The following CWC25 variants were observed in gnomAD, a reference collection of about 807,000 sequenced individuals.
The protein encoded by CWC25 is CWC25 spliceosome associated protein, also known as pre-mRNA-splicing factor CWC25 homolog.
A neutral mutation model predicts 54.6 loss-of-function variants in CWC25; 31 were observed. The observed-to-expected ratio is 0.57, with a 90% CI of 0.43 to 0.77. The LOEUF is 0.77. Ranked by LOEUF, CWC25 falls within the 30% of genes least tolerant of loss-of-function variation. The pLI is 0.00. For synonymous variants in CWC25, 151 were observed against 187.0 expected (o/e 0.81, Z 1.57); for missense variants, 453 against 529.3 (o/e 0.86, Z 1.41).
chr17:38,816,195 T>C (rs1357754769), intron 2 of CWC25, among the ~76,000 whole-genome samples: 2 of 152,188 alleles, frequency 1.3e-5, no homozygotes, highest in Non-Finnish European at 2.9e-5. Context: ...AGTACTTTCA[T>C]TGACAGTATT....
In CWC25 at chr17:38,806,398, G is replaced by GTAGCA. The variant is rs747248566; in HGVS notation, c.903-8_903-4dup. The GTAGCA allele has an allele frequency of 5.6e-6, 9 of 1,612,860 alleles. No homozygotes were observed. The highest frequency in any genetic ancestry group is 7.6e-6 in the Non-Finnish European group (9 of 1,179,356). On this transcript the variant is annotated splice_region_variant and splice_polypyrimidine_tract_variant and intron_variant, in intron 7 of 9. Coordinates refer to ENST00000614790, the MANE Select transcript of CWC25 (RefSeq NM_017748.5). ...TCCTGTTCACCTTAGAGTTGTGCCT[G>GTAGCA]TAGCAGACACAGAAGGCAAAGAGGA...
intron 1 of CWC25, among the ~76,000 whole-genome samples, chr17:38,821,305 A>T (rs542307692): frequency 7.9e-5 from 12 of 152,278 alleles, no homozygotes; most frequent in Middle Eastern, 3.4e-3. Flanking sequence ...TCACACCTGT[A>T]ATCCCAGCAC....
At chr17:38,807,025 T>C (rs1306063958) in intron 6 of CWC25, 49 bp from the exon 7 acceptor site, 8 of 1,528,324 alleles carry the variant, frequency 5.2e-6, no homozygotes, top group Non-Finnish European at 6.3e-6. Context: ...AATCCAGCTA[T>C]TCAGGAGAAA....
Position 38,825,165 on chromosome 17 carries a change from C to T in CWC25, c.18+1G>A, listed in dbSNP as rs1203779857. Reference sequence around the variant, plus strand: ...CCCCGCCCAGGCCTCCCTCCACTCACCAGGTCTCCGCCCCCCATGACGGTG... The same window carrying T: ...CCCCGCCCAGGCCTCCCTCCACTCATCAGGTCTCCGCCCCCCATGACGGTG... On this transcript the variant is annotated splice_donor_variant, in intron 1 of 9. Transcript: ENST00000614790. LOFTEE classifies it high-confidence loss of function. The T allele has an allele frequency of 6.3e-7, 1 of 1,581,400 alleles. No individual in the cohort carries two copies.
intron 5 of CWC25, 170 bp downstream of exon 5, chr17:38,810,298 T>C: frequency 3.0e-6 from 2 of 659,674 alleles, no homozygotes; most frequent in Non-Finnish European, 5.0e-6. Context: ...CAAGGAACTC[T>C]AGCATTAGAT....
chr17:38,824,885 G>A (rs1426501913), intron 1 of CWC25, among the ~76,000 whole-genome samples: 1 of 151,810 alleles, frequency 6.6e-6, no homozygotes, highest in Non-Finnish European at 1.5e-5. Flanking sequence ...GGCTCCATCC[G>A]CCCCCTCCCC....
intron 1 of CWC25, among the ~76,000 whole-genome samples, chr17:38,824,132 G>A (rs761487121): frequency 1.3e-5 from 2 of 152,188 alleles, no homozygotes; most frequent in Non-Finnish European, 2.9e-5. Context: ...CGGCTAAGCT[G>A]ATCTACTTGC....
Position 38,806,755 on chromosome 17 carries a change from C to T in CWC25, c.902+10G>A, listed in dbSNP as rs1157696666. 6.4e-7 allele frequency: 1 copy of T among 1,558,654 alleles called. No homozygotes were observed. Reference sequence around the variant, plus strand: ...GTCACAGGTTATTTCCCAGTGAATCCCACACTCACAGTTTGCTGGGTCTTG... The same window carrying T: ...GTCACAGGTTATTTCCCAGTGAATCTCACACTCACAGTTTGCTGGGTCTTG... On this transcript the variant is annotated intron_variant, in intron 7 of 9. Transcript: ENST00000614790.
rs1005075960 is a variant in CWC25, at chr17:38,800,731, T to C, written c.*1361A>G. 1.3e-5 allele frequency: 2 copies of C among 152,078 alleles called. No homozygotes were observed. The highest frequency in any genetic ancestry group is 2.4e-5 in the African/African-American group (1 of 41,396). The allele number at this position is 152,078 out of a possible 1,614,324, so 9.4% of individuals were successfully genotyped here. ...CAAATGAGGGCTTCTGGTGAAAGAA[T>C]AGAGAAGGGAAAAGGAGTAAAGACA... is the stretch of plus-strand genomic sequence containing the variant. On this transcript the variant is annotated 3_prime_UTR_variant, in exon 10 of 10. Coordinates refer to ENST00000614790, the MANE Select transcript of CWC25 (RefSeq NM_017748.5).
In CWC25 at chr17:38,825,272, C is replaced by T. The variant is rs1264856238; in HGVS notation, c.-89G>A. The T allele has an allele frequency of 2.6e-5, 36 of 1,411,270 alleles. No homozygotes were observed. Among genetic ancestry groups the T allele is most frequent in the South Asian group, 1.3e-5 (1 of 75,156 alleles). The allele number at this position is 1,411,270 out of a possible 1,614,324, so 87.4% of individuals were successfully genotyped here. On this transcript the variant is annotated 5_prime_UTR_variant, in exon 1 of 10. Transcript: ENST00000614790. ...TAGAGAAATAGTTCGGGGGCTACCT[C>T]GCGGGATCTAGTCCCAGGAGCCGTC...
At chr17:38,807,873 A>G (rs1285570042) in intron 6 of CWC25, among the ~76,000 whole-genome samples, 3 of 137,706 alleles carry the variant, frequency 2.2e-5, no homozygotes, top group Non-Finnish European at 4.8e-5. Context: ...CCTAGCTAAC[A>G]TGGTGAAACA....
chr17:38,808,946 CAAAAA>C (rs71138657), intron 6 of CWC25, among the ~76,000 whole-genome samples: 1 of 107,998 alleles, frequency 9.3e-6, no homozygotes, highest in Admixed American at 9.7e-5. Context: ...AACTCCACCT[CAAAAA>C]AAAAAAAAAA....
At chr17:38,807,184 G>C (rs531868062) in intron 6 of CWC25, among the ~76,000 whole-genome samples, 1 of 151,464 alleles carries the variant, frequency 6.6e-6, no homozygotes, top group Admixed American at 6.6e-5. Context: ...TTAGCTGGGC[G>C]TGGTGGTGGG....
In CWC25 at chr17:38,801,530, C is replaced by T. The variant is rs938822462; in HGVS notation, c.*562G>A. 6.6e-6 allele frequency: 1 copy of T among 152,196 alleles called. No individual in the cohort carries two copies. Among genetic ancestry groups the T allele is most frequent in the Non-Finnish European group, 1.5e-5 (1 of 68,052 alleles). The allele number at this position is 152,196 out of a possible 1,614,324, so 9.4% of individuals were successfully genotyped here. A position where few individuals can be genotyped will look rare whatever the true frequency, so the allele number is the denominator to read the frequency against. Reference sequence around the variant, plus strand: ...AAAATTGTACATTTGTACATATACGCATTACAATTTTACATCCAAAGATCA... The same window carrying T: ...AAAATTGTACATTTGTACATATACGTATTACAATTTTACATCCAAAGATCA... On this transcript the variant is annotated 3_prime_UTR_variant, in exon 10 of 10. Transcript: ENST00000614790.
intron 1 of CWC25, among the ~76,000 whole-genome samples, chr17:38,824,512 C>A (rs894032007): frequency 3.9e-5 from 6 of 152,006 alleles, no homozygotes; most frequent in Non-Finnish European, 8.8e-5. Context: ...CATGGAGAAA[C>A]CCTGTCTCTA....
chr17:38,814,767 AG>A, intron 3 of CWC25, 93 bp downstream of exon 3: 22 of 873,400 alleles, frequency 2.5e-5, no homozygotes, highest in East Asian at 5.5e-5. Flanking sequence ...AAAAAAAAAA[AG>A]CGAAGAGAAA....
At chr17:38,805,160 A>G (rs139096543) in intron 8 of CWC25, among the ~76,000 whole-genome samples, 1 of 151,864 alleles carries the variant, frequency 6.6e-6, no homozygotes, top group African/African-American at 2.4e-5. Flanking sequence ...CTGTAGTCCC[A>G]GCTACTCGGG....
chr17:38,820,876 A>C, intron 2 of CWC25, 25 bp downstream of exon 2: 1 of 1,598,032 alleles, frequency 6.3e-7, no homozygotes, highest in African/African-American at 1.3e-5. Context: ...CCTACACACA[A>C]GCGCACCCCC....
intron 2 of CWC25, among the ~76,000 whole-genome samples, chr17:38,815,901 A>T (rs1179809588): frequency 6.6e-6 from 1 of 152,210 alleles, no homozygotes; most frequent in Non-Finnish European, 1.5e-5. Flanking sequence ...GGAAAAAATC[A>T]GAGGTAACTG....
Sources: allele counts gnomAD v4.1 joint callset (sites outside exome capture counted in the v4.1 genomes callset), GRCh38; gene constraint gnomAD v4.1.1; transcripts MANE v1.5; gene names NCBI Gene and HGNC (gene_info 2026-07-23, HGNC 2026-07-21).